Variants in PLCH1 observed in about 807,000 individuals in gnomAD.
PLCH1 encodes phospholipase C eta 1, also known as 1-phosphatidylinositol 4,5-bisphosphate phosphodiesterase eta-1.
A neutral mutation model predicts 126.7 loss-of-function variants in PLCH1; 60 were observed. The observed-to-expected ratio is 0.47, with a 90% CI of 0.38 to 0.59. The LOEUF (loss-of-function observed/expected upper bound fraction) is 0.59. Among genes scored for constraint, PLCH1 ranks in the 20% least tolerant of loss-of-function variants. The probability of loss-of-function intolerance (pLI) is 0.00; values close to 1 mark genes in which losing one functional copy is unlikely to be tolerated. For missense variants in PLCH1, 1,723 were observed against 2,040.0 expected, an observed-to-expected ratio of 0.84 and a Z score of 2.99; for synonymous variants, 719 against 734.9, an observed-to-expected ratio of 0.98 and a Z score of 0.35.
At chr3:155,520,938 T>A (rs978367963) in intron 11 of PLCH1, among the ~76,000 whole-genome samples, 4 of 151,896 alleles carry the variant, frequency 2.6e-5, no homozygotes, top group African/African-American at 9.7e-5. Flanking sequence ...GTAACAGGAG[T>A]CTTGTCCTCC....
At chr3:155,691,538 G>A (rs1359151657) in intron 2 of PLCH1, among the ~76,000 whole-genome samples, 2 of 152,206 alleles carry the variant, frequency 1.3e-5, no homozygotes, top group African/African-American at 4.8e-5. Context: ...GAGAACCTGA[G>A]CATCAGTTTT....
intron 11 of PLCH1, among the ~76,000 whole-genome samples, chr3:155,523,446 T>C (rs1038000767): frequency 5.3e-5 from 8 of 152,174 alleles, no homozygotes; most frequent in African/African-American, 1.9e-4. Context: ...CCAAGGTACA[T>C]TTTCTTAAAG....
At chr3:155,691,846 GT>G (rs530262250) in intron 2 of PLCH1, among the ~76,000 whole-genome samples, 83 of 152,208 alleles carry the variant, frequency 5.5e-4, no homozygotes, top group African/African-American at 1.9e-3. Context: ...CTATTAATAT[GT>G]TCTTTGTTAT....
chr3:155,739,079 T>C (rs1749432723), intron 1 of PLCH1, among the ~76,000 whole-genome samples: 1 of 152,146 alleles, frequency 6.6e-6, no homozygotes, highest in African/African-American at 2.4e-5. Flanking sequence ...ACTGCAAATC[T>C]AAAACCAGCT....
At chr3:155,467,136 A>G (rs1173290556) in intron 21 of PLCH1, among the ~76,000 whole-genome samples, 1 of 152,148 alleles carries the variant, frequency 6.6e-6, no homozygotes, top group Admixed American at 6.5e-5. Flanking sequence ...ATATCCAAAT[A>G]CAAAAGGTTA....
chr3:155,658,611 A>C (rs1184554800), intron 2 of PLCH1: 1 of 152,228 alleles, frequency 6.6e-6, no homozygotes, highest in Admixed American at 6.5e-5. Context: ...TTGGTGCTCT[A>C]AATTTCTTAC....
At chr3:155,453,574 G>T (rs187189164) in intron 21 of PLCH1, among the ~76,000 whole-genome samples, 1 of 152,072 alleles carries the variant, frequency 6.6e-6, no homozygotes, top group East Asian at 1.9e-4. Flanking sequence ...AACGCAAAAT[G>T]ACTACTTATT....
At chr3:155,741,352 C>T (rs1364401748) in intron 1 of PLCH1, among the ~76,000 whole-genome samples, 2 of 152,198 alleles carry the variant, frequency 1.3e-5, no homozygotes, top group African/African-American at 4.8e-5. Context: ...ACTTGGTCCA[C>T]AATTCACAGC....
intron 15 of PLCH1, among the ~76,000 whole-genome samples, chr3:155,496,578 C>T (rs1717068805): frequency 6.6e-6 from 1 of 152,122 alleles, no homozygotes; most frequent in Non-Finnish European, 1.5e-5. Flanking sequence ...ATGTTGTTTT[C>T]CCTTCACTAA....
At chr3:155,733,863 G>T (rs1748947248) in intron 1 of PLCH1, among the ~76,000 whole-genome samples, 1 of 142,852 alleles carries the variant, frequency 7.0e-6, no homozygotes, top group South Asian at 2.2e-4. Context: ...CAAATAACCT[G>T]ATCTGAAGAT....
chr3:155,610,938 C>T (rs149577228), intron 2 of PLCH1, among the ~76,000 whole-genome samples: 2 of 152,236 alleles, frequency 1.3e-5, no homozygotes, highest in Admixed American at 6.5e-5. Context: ...AATAAAAATC[C>T]ACCAACCAAG....
chr3:155,612,564 G>T (rs1485625104), intron 2 of PLCH1, among the ~76,000 whole-genome samples: 1 of 151,930 alleles, frequency 6.6e-6, no homozygotes, highest in Non-Finnish European at 1.5e-5. Flanking sequence ...ACAAAAAGCT[G>T]GTTCTTTGAA....
chr3:155,678,174 G>A (rs573256453), intron 2 of PLCH1, among the ~76,000 whole-genome samples: 1 of 152,160 alleles, frequency 6.6e-6, no homozygotes. Flanking sequence ...TTACCCACTG[G>A]GAGTCTTGCT....
intron 2 of PLCH1, among the ~76,000 whole-genome samples, chr3:155,601,224 G>A (rs992657404): frequency 2.0e-5 from 3 of 152,084 alleles, no homozygotes; most frequent in Non-Finnish European, 2.9e-5. Flanking sequence ...TGATCCACCC[G>A]CCTTGGCCTC....
intron 2 of PLCH1, among the ~76,000 whole-genome samples, chr3:155,666,964 G>C (rs1374954241): frequency 6.6e-6 from 1 of 151,634 alleles, no homozygotes; most frequent in East Asian, 1.9e-4. Flanking sequence ...AAAATGAGCA[G>C]GCATGTATTA....
At chr3:155,589,165 T>C (rs1731769835) in intron 4 of PLCH1, among the ~76,000 whole-genome samples, 1 of 152,174 alleles carries the variant, frequency 6.6e-6, no homozygotes, top group African/African-American at 2.4e-5. Context: ...AAGCATTGAA[T>C]GATCCTATCT....
At chr3:155,695,762 C>A (rs1017394988) in intron 2 of PLCH1, among the ~76,000 whole-genome samples, 9 of 152,200 alleles carry the variant, frequency 5.9e-5, no homozygotes, top group Admixed American at 1.3e-4. Flanking sequence ...CAGGACCTGA[C>A]CTGGTCTGAG....
chr3:155,472,127 A>G (rs1442330781), intron 21 of PLCH1, among the ~76,000 whole-genome samples: 2 of 152,300 alleles, frequency 1.3e-5, no homozygotes, highest in Non-Finnish European at 2.9e-5. Context: ...CGAAAAATTA[A>G]TGAATCCAGG....
chr3:155,562,633 T>G (rs1282712672), intron 8 of PLCH1, among the ~76,000 whole-genome samples: 1 of 152,188 alleles, frequency 6.6e-6, no homozygotes, highest in East Asian at 1.9e-4. Flanking sequence ...AGCTTGGGCT[T>G]CCCTGACTTA....
Sources: allele counts gnomAD v4.1 joint callset (sites outside exome capture counted in the v4.1 genomes callset), GRCh38; gene constraint gnomAD v4.1.1; transcripts MANE v1.5; gene names NCBI Gene and HGNC (gene_info 2026-07-23, HGNC 2026-07-21).